The following USP34 variants were observed in gnomAD, a reference collection of about 807,000 sequenced individuals.
USP34 encodes the protein ubiquitin specific peptidase 34.
USP34 carries 70 observed loss-of-function variants against 460.3 expected under a neutral mutation model. The ratio of observed to expected loss-of-function variants is 0.15; its 90% CI spans 0.13 to 0.19. The LOEUF is 0.19. Ranked by LOEUF, USP34 falls within the 10% of genes least tolerant of loss-of-function variation. The pLI is 1.00. For synonymous variants in USP34, 1,647 were observed against 1,405.3 expected, an observed-to-expected ratio of 1.17 and a Z score of -3.85; for missense variants, 3,985 against 4,236.2, an observed-to-expected ratio of 0.94 and a Z score of 1.65.
chr2:61,332,296 T>C (rs963593609), intron 19 of USP34, among the ~76,000 whole-genome samples: 2 of 152,076 alleles, frequency 1.3e-5, no homozygotes, highest in East Asian at 1.9e-4. Context: ...AGACTCACAA[T>C]AAATGACAGC....
At chr2:61,272,877 T>C (rs1689257660) in intron 41 of USP34, among the ~76,000 whole-genome samples, 1 of 152,192 alleles carries the variant, frequency 6.6e-6, no homozygotes, top group Non-Finnish European at 1.5e-5. Context: ...TAGAATTACT[T>C]GCAGATGATT....
intron 69 of USP34, 82 bp downstream of exon 69, chr2:61,211,690 A>G (rs1687276698): frequency 7.3e-7 from 1 of 1,367,948 alleles, no homozygotes; most frequent in Non-Finnish European, 9.6e-7. Context: ...TCCCCAATGT[A>G]AATGATTTAT....
intron 70 of USP34, 129 bp downstream of exon 70, chr2:61,208,770 G>C (rs1004873868): frequency 8.3e-6 from 4 of 483,106 alleles, no homozygotes; most frequent in Admixed American, 4.2e-5. Flanking sequence ...CAGGTTTACT[G>C]ATCTATATAA....
intron 1 of USP34, among the ~76,000 whole-genome samples, chr2:61,454,108 A>G (rs1285675980): frequency 6.6e-6 from 1 of 152,182 alleles, no homozygotes; most frequent in Non-Finnish European, 1.5e-5. Context: ...ACAGATTTCT[A>G]CAGTGATTAA....
intron 1 of USP34, among the ~76,000 whole-genome samples, chr2:61,467,252 G>A (rs991948231): frequency 4.0e-5 from 6 of 151,126 alleles, no homozygotes; most frequent in African/African-American, 7.3e-5. Flanking sequence ...GTAGTGAGCC[G>A]AAACCGTGCC....
At chr2:61,294,696 A>G (rs1689970833) in intron 32 of USP34, among the ~76,000 whole-genome samples, 1 of 152,194 alleles carries the variant, frequency 6.6e-6, no homozygotes, top group South Asian at 2.1e-4. Context: ...GCTGGATCAC[A>G]GGCGTGAGCC....
chr2:61,310,316 T>C (rs1020660638), intron 27 of USP34, among the ~76,000 whole-genome samples: 3 of 152,070 alleles, frequency 2.0e-5, no homozygotes, highest in Non-Finnish European at 2.9e-5. Context: ...TTGTTTGTAA[T>C]AGCAAAATAA....
intron 57 of USP34, among the ~76,000 whole-genome samples, chr2:61,234,845 G>C (rs1688016922): frequency 6.6e-6 from 1 of 151,864 alleles, no homozygotes; most frequent in Non-Finnish European, 1.5e-5. Flanking sequence ...CATGTGGGCC[G>C]GGCTGGTCTT....
intron 28 of USP34, 39 bp from the exon 29 acceptor site, chr2:61,301,199 T>C (rs375769277): frequency 1.7e-5 from 27 of 1,563,350 alleles, no homozygotes; most frequent in Non-Finnish European, 2.3e-5. Context: ...CATATCAAGC[T>C]TTTAGTTTAA....
At chr2:61,358,221 TAAG>T (rs1308986497) in intron 10 of USP34, among the ~76,000 whole-genome samples, 2 of 144,294 alleles carry the variant, frequency 1.4e-5, no homozygotes, top group African/African-American at 5.0e-5. Context: ...AATAAATAAA[TAAG>T]AATGTTAATA....
intron 5 of USP34, among the ~76,000 whole-genome samples, chr2:61,384,732 C>T (rs1693084112): frequency 6.6e-6 from 1 of 151,920 alleles, no homozygotes; most frequent in African/African-American, 2.4e-5. Context: ...TGTAGGGATT[C>T]ACTATAATCA....
chr2:61,296,482 C>T (rs1690034544), intron 30 of USP34, among the ~76,000 whole-genome samples: 2 of 152,086 alleles, frequency 1.3e-5, no homozygotes, highest in South Asian at 4.1e-4. Context: ...TTTCTCTAAA[C>T]ATTACTTTTT....
chr2:61,262,081 A>T (rs1184084230), intron 43 of USP34, among the ~76,000 whole-genome samples: 1 of 119,640 alleles, frequency 8.4e-6, no homozygotes, highest in Non-Finnish European at 1.7e-5. Flanking sequence ...ACAAAGCAAG[A>T]CTTCGTCAAA....
chr2:61,331,448 G>T, intron 19 of USP34, 77 bp from the exon 20 acceptor site: 1 of 1,163,974 alleles, frequency 8.6e-7, no homozygotes, highest in Non-Finnish European at 1.1e-6. Flanking sequence ...CAGTAAATAT[G>T]CAAATCTAAA....
At chr2:61,303,392 C>G (rs1446346531) in intron 27 of USP34, among the ~76,000 whole-genome samples, 3 of 151,846 alleles carry the variant, frequency 2.0e-5, no homozygotes, top group Non-Finnish European at 4.4e-5. Flanking sequence ...CTTAAAATTG[C>G]TATTATATAC....
intron 43 of USP34, among the ~76,000 whole-genome samples, chr2:61,264,395 G>C (rs1254251405): frequency 2.6e-5 from 4 of 152,164 alleles, no homozygotes; most frequent in African/African-American, 9.7e-5. Flanking sequence ...CAGTACTTTG[G>C]AAGGCCAAGG....
intron 41 of USP34, among the ~76,000 whole-genome samples, chr2:61,272,117 A>G (rs993854861): frequency 1.3e-5 from 2 of 152,172 alleles, no homozygotes; most frequent in Non-Finnish European, 2.9e-5. Context: ...CTTAAAATTC[A>G]GGAGTCATTC....
intron 10 of USP34, among the ~76,000 whole-genome samples, chr2:61,354,821 C>G (rs888905188): frequency 2.0e-5 from 3 of 152,198 alleles, no homozygotes; most frequent in Non-Finnish European, 4.4e-5. Flanking sequence ...GGTGCTCACA[C>G]TGAGGCAGAC....
chr2:61,261,405 G>C (rs981914980), intron 43 of USP34, among the ~76,000 whole-genome samples: 1 of 152,168 alleles, frequency 6.6e-6, no homozygotes, highest in African/African-American at 2.4e-5. Context: ...CTCACAGCCA[G>C]TCACAAAAAG....
Sources: gnomAD v4.1 joint callset for allele counts (sites outside exome capture counted in the v4.1 genomes callset) on GRCh38, gnomAD v4.1.1 for gene constraint, MANE v1.5 for transcripts, NCBI Gene and HGNC (gene_info 2026-07-23, HGNC 2026-07-21) for gene names.